EYS: variants seen among roughly 807,000 people sequenced by gnomAD.
The protein encoded by EYS is EGF-like photoreceptor maintenance factor.
Under a neutral mutation model 282.1 loss-of-function variants are expected in EYS, and 250 were observed. The observed-to-expected ratio is 0.89, with a 90% CI of 0.80 to 0.98. The LOEUF (loss-of-function observed/expected upper bound fraction) is 0.98, where lower values mean the gene tolerates loss of function less well. EYS is among the 50% of genes least tolerant of loss of function. EYS has a pLI of 0.00. For synonymous variants in EYS, 1,355 were observed against 1,282.9 expected (o/e 1.06, Z -1.20); for missense variants, 4,016 against 3,709.0 (o/e 1.08, Z -2.15).
chr6:64,936,653 C>A (rs911960845), intron 15 of EYS, among the ~76,000 whole-genome samples: 1 of 151,320 alleles, frequency 6.6e-6, no homozygotes, highest in Admixed American at 6.6e-5. Flanking sequence ...CTGAAAATGG[C>A]ATGAAGACAA....
At chr6:65,609,224 G>T (rs1185358551) in intron 2 of EYS, among the ~76,000 whole-genome samples, 1 of 151,270 alleles carries the variant, frequency 6.6e-6, no homozygotes, top group African/African-American at 2.4e-5. Flanking sequence ...ACCACTAAGA[G>T]ATAGGAATTT....
At chr6:63,814,814 C>T (rs1232849220) in intron 36 of EYS, among the ~76,000 whole-genome samples, 2 of 152,102 alleles carry the variant, frequency 1.3e-5, no homozygotes, top group Non-Finnish European at 2.9e-5. Context: ...CAGTTCATGG[C>T]CTAAGCTTTG....
At chr6:65,262,186 C>T (rs1284188286) in intron 12 of EYS, among the ~76,000 whole-genome samples, 1 of 152,018 alleles carries the variant, frequency 6.6e-6, no homozygotes, top group African/African-American at 2.4e-5. Context: ...CAGTAACATA[C>T]CTTTGATTCA....
At chr6:64,256,834 CAG>C (rs1365660526) in intron 30 of EYS, among the ~76,000 whole-genome samples, 7 of 152,096 alleles carry the variant, frequency 4.6e-5, no homozygotes, top group African/African-American at 1.7e-4. Context: ...CCACGAGAGG[CAG>C]AGAGATCAAG....
chr6:65,415,953 A>G (rs1767215783), intron 5 of EYS, among the ~76,000 whole-genome samples: 2 of 152,052 alleles, frequency 1.3e-5, no homozygotes, highest in Admixed American at 1.3e-4. Context: ...TAATAAGTAG[A>G]GATAAATTTA....
chr6:64,702,015 T>C (rs1770810032), intron 22 of EYS, among the ~76,000 whole-genome samples: 1 of 147,100 alleles, frequency 6.8e-6, no homozygotes, highest in Admixed American at 7.0e-5. Flanking sequence ...TTTACCCTTG[T>C]GCTATTAGTC....
At chr6:64,497,386 G>T (rs1776923080) in intron 26 of EYS, among the ~76,000 whole-genome samples, 2 of 152,092 alleles carry the variant, frequency 1.3e-5, no homozygotes, top group African/African-American at 4.8e-5. Flanking sequence ...TAGAAGAATA[G>T]ATAGAATTTG....
intron 2 of EYS, among the ~76,000 whole-genome samples, chr6:65,631,673 GTCT>G (rs1202882742): frequency 6.6e-6 from 1 of 152,104 alleles, no homozygotes; most frequent in East Asian, 1.9e-4. Flanking sequence ...TAATCTGCAA[GTCT>G]TCTTTCCATA....
intron 29 of EYS, among the ~76,000 whole-genome samples, chr6:64,367,267 A>T (rs1488247190): frequency 6.6e-6 from 1 of 152,048 alleles, no homozygotes. Context: ...ATGGACACTG[A>T]TCCAAGCCCA....
At chr6:65,422,392 A>G (rs902923582) in intron 5 of EYS, among the ~76,000 whole-genome samples, 4 of 151,964 alleles carry the variant, frequency 2.6e-5, no homozygotes, top group Non-Finnish European at 5.9e-5. Context: ...ATTACATTTT[A>G]TTAGTATTGA....
chr6:63,919,481 C>G (rs933514115), intron 35 of EYS, among the ~76,000 whole-genome samples: 1 of 151,574 alleles, frequency 6.6e-6, no homozygotes, highest in Non-Finnish European at 1.5e-5. Flanking sequence ...GTATCTAATT[C>G]AAATTGTAAT....
chr6:65,693,199 T>C (rs1769308117), intron 1 of EYS, among the ~76,000 whole-genome samples: 1 of 149,684 alleles, frequency 6.7e-6, no homozygotes, highest in Non-Finnish European at 1.5e-5. Flanking sequence ...CTCTCCAGCC[T>C]TACTTCTGTT....
chr6:65,112,970 C>T (rs148649111), intron 12 of EYS, among the ~76,000 whole-genome samples: 1 of 152,050 alleles, frequency 6.6e-6, no homozygotes. Context: ...CATGTTTCTA[C>T]ACCTTCTAAA....
At chr6:63,933,923 A>G (rs547515482) in intron 35 of EYS, among the ~76,000 whole-genome samples, 1 of 152,302 alleles carries the variant, frequency 6.6e-6, no homozygotes, top group South Asian at 2.1e-4. Flanking sequence ...TAAACTAAAG[A>G]GCTTCTGCAC....
intron 2 of EYS, among the ~76,000 whole-genome samples, chr6:65,557,180 C>T (rs1367525185): frequency 6.6e-6 from 1 of 152,184 alleles, no homozygotes; most frequent in East Asian, 1.9e-4. Flanking sequence ...AAAGCCTCTG[C>T]TTGAGATTTG....
intron 2 of EYS, among the ~76,000 whole-genome samples, chr6:65,592,257 T>A (rs2127368730): frequency 6.6e-6 from 1 of 152,098 alleles, no homozygotes; most frequent in Non-Finnish European, 1.5e-5. Flanking sequence ...GGCAACTTAA[T>A]TTGATTGATT....
chr6:65,293,219 A>G (rs1768574057), intron 12 of EYS, among the ~76,000 whole-genome samples: 1 of 151,538 alleles, frequency 6.6e-6, no homozygotes, highest in Admixed American at 6.6e-5. Context: ...TTTAGACAAT[A>G]CTAGTGCTGA....
intron 14 of EYS, among the ~76,000 whole-genome samples, chr6:64,972,031 A>AG (rs1770312802): frequency 6.6e-6 from 1 of 152,052 alleles, no homozygotes; most frequent in Non-Finnish European, 1.5e-5. Context: ...AAACATGGTC[A>AG]GGGGGTAAAG....
At chr6:65,656,159 CCT>C (rs562112578) in intron 1 of EYS, among the ~76,000 whole-genome samples, 2 of 151,792 alleles carry the variant, frequency 1.3e-5, no homozygotes, top group Non-Finnish European at 1.5e-5. Flanking sequence ...CTGGCGATTC[CCT>C]CTTTCCTCCC....
Sources: allele counts gnomAD v4.1 joint callset (sites outside exome capture counted in the v4.1 genomes callset), GRCh38; gene constraint gnomAD v4.1.1; transcripts MANE v1.5; gene names NCBI Gene and HGNC (gene_info 2026-07-23, HGNC 2026-07-21).